KCNC2: variants seen among roughly 807,000 people sequenced by gnomAD.
KCNC2 encodes the protein potassium voltage-gated channel subfamily C member 2.
KCNC2 carries 21 observed loss-of-function variants against 44.5 expected under a neutral mutation model. That is an observed-to-expected ratio of 0.47 (90% CI 0.33 to 0.68). The LOEUF (loss-of-function observed/expected upper bound fraction) is 0.68, where lower values mean the gene tolerates loss of function less well. KCNC2 is among the 30% of genes least tolerant of loss of function. The pLI, the probability that KCNC2 is intolerant of heterozygous loss-of-function variation, is 0.01. For synonymous variants in KCNC2, 391 were observed against 339.1 expected (o/e 1.15, Z -1.68); for missense variants, 589 against 826.2 (o/e 0.71, Z 3.52).
Position 75,130,840 on chromosome 12 carries a change from G to A in KCNC2, c.687+76457C>T, listed in dbSNP as rs374271726. Reference sequence around the variant, plus strand: ...TAAAATGAGGCAGGAAAGACAGATAGGGAAGCTCAGATTTAGTCTACCCTG... The same window carrying A: ...TAAAATGAGGCAGGAAAGACAGATAAGGAAGCTCAGATTTAGTCTACCCTG... On this transcript the variant is annotated intron_variant, in intron 2 of 4. Coordinates refer to ENST00000549446, the MANE Select transcript of KCNC2 (RefSeq NM_139137.4). Among the ~76,000 whole-genome samples, 120 of 150,900 alleles carry A rather than the reference G, an allele frequency of 8.0e-4. No homozygotes were observed. The South Asian group carries it at 0.023, about 29-fold the overall frequency.
At chr12:75,157,326 C>T (rs1199857423) in intron 2 of KCNC2, among the ~76,000 whole-genome samples, 2 of 151,772 alleles carry the variant, frequency 1.3e-5, no homozygotes, top group African/African-American at 4.8e-5. Flanking sequence ...CTCTAGCAGT[C>T]ATTTTGTGGT....
intron 3 of KCNC2, 130 bp from the exon 4 acceptor site, chr12:75,048,447 A>G (rs763337379): frequency 6.9e-5 from 43 of 621,282 alleles, no homozygotes; most frequent in Non-Finnish European, 6.4e-5. Context: ...TCACAATAAG[A>G]AAAAGAATTT....
chr12:75,194,296 G>A (rs1261709458), intron 2 of KCNC2, among the ~76,000 whole-genome samples: 1 of 152,132 alleles, frequency 6.6e-6, no homozygotes, highest in Non-Finnish European at 1.5e-5. Flanking sequence ...CTGAGGGCAA[G>A]GCGAGGCCAG....
intron 2 of KCNC2, among the ~76,000 whole-genome samples, chr12:75,204,032 G>T (rs2031495139): frequency 6.6e-6 from 1 of 151,792 alleles, no homozygotes; most frequent in Admixed American, 6.6e-5. Flanking sequence ...ATATATTTAT[G>T]CATCCTTGTT....
chr12:75,141,092 A>G (rs574300661), intron 2 of KCNC2, among the ~76,000 whole-genome samples: 1 of 152,294 alleles, frequency 6.6e-6, no homozygotes, highest in African/African-American at 2.4e-5. Context: ...TCTTCACACA[A>G]TTGCATAACC....
At position 75,092,460 on chromosome 12, in the gene KCNC2, G is replaced by A. The variant is rs150709462; in HGVS notation, c.688-41143C>T. ...ATTATTTGTAAAAATAGCTTAATCA[G>A]TGTAACACTCTCTGGGGGAATAAAA... On this transcript the variant is annotated intron_variant, in intron 2 of 4. Transcript: ENST00000549446. Among the ~76,000 whole-genome samples the A allele has an allele frequency of 5.3e-4, 81 of 151,646 alleles. 1 individual carries two copies. The East Asian group carries it at 0.014, about 25-fold the overall frequency.
rs1880032741 is a variant in KCNC2, at chr12:75,042,575, T to C, written c.*530A>G. On this transcript the variant is annotated 3_prime_UTR_variant, in exon 5 of 5. Transcript: ENST00000549446. ...CAATGCTTTCATATCAGCAGGATGGTTCGATGCAAGTACACATATCCTGAG... is the reference window on the plus strand; with the variant it reads ...CAATGCTTTCATATCAGCAGGATGGCTCGATGCAAGTACACATATCCTGAG... 2.9e-6 allele frequency: 4 copies of C among 1,377,728 alleles called. No homozygotes were observed. The Admixed American group carries it at 9.2e-5, about 32-fold the overall frequency. The allele number at this position is 1,377,728 out of a possible 1,614,324, so 85.3% of individuals were successfully genotyped here.
chr12:75,156,768 C>T (rs762778665), intron 2 of KCNC2, among the ~76,000 whole-genome samples: 2 of 151,748 alleles, frequency 1.3e-5, no homozygotes, highest in African/African-American at 2.4e-5. Flanking sequence ...AAGTTTGCAG[C>T]CTACCATTTC....
intron 2 of KCNC2, among the ~76,000 whole-genome samples, chr12:75,144,753 C>T (rs570846696): frequency 2.6e-5 from 4 of 152,118 alleles, no homozygotes; most frequent in South Asian, 4.2e-4. Context: ...GTAAATACTT[C>T]ATTAACGTCA....
At chr12:75,065,375 T>G (rs1362350034) in intron 2 of KCNC2, among the ~76,000 whole-genome samples, 1 of 152,086 alleles carries the variant, frequency 6.6e-6, no homozygotes, top group African/African-American at 2.4e-5. Flanking sequence ...CAGTTTTATC[T>G]AATTTTAACA....
At chr12:75,121,880 T>G (rs1888069430) in intron 2 of KCNC2, among the ~76,000 whole-genome samples, 1 of 152,178 alleles carries the variant, frequency 6.6e-6, no homozygotes, top group Admixed American at 6.5e-5. Flanking sequence ...TTTTTATTAC[T>G]GAGTTTTCCC....
intron 2 of KCNC2, among the ~76,000 whole-genome samples, chr12:75,168,506 T>G (rs1447379165): frequency 6.6e-6 from 1 of 151,484 alleles, no homozygotes; most frequent in Admixed American, 6.6e-5. Flanking sequence ...ATCAATTGCA[T>G]AGTTTCTATA....
At chr12:75,154,048 A>C (rs1350564261) in intron 2 of KCNC2, among the ~76,000 whole-genome samples, 1 of 152,052 alleles carries the variant, frequency 6.6e-6, no homozygotes, top group Non-Finnish European at 1.5e-5. Context: ...TCAAGAGTCA[A>C]CTATAATTTT....
chr12:75,194,894 G>A (rs1479902033), intron 2 of KCNC2, among the ~76,000 whole-genome samples: 1 of 152,116 alleles, frequency 6.6e-6, no homozygotes, highest in Non-Finnish European at 1.5e-5. Flanking sequence ...TGACTGCCTT[G>A]TTTCTGAAGT....
At position 75,201,282 on chromosome 12, in the gene KCNC2, AAAAAAAAAAAAAAAAAC is replaced by A. The variant is rs1179011974; in HGVS notation, c.687+5998_687+6014del. On this transcript the variant is annotated intron_variant, in intron 2 of 4. Transcript: ENST00000549446. ...AATTGGAAAAAAAAAAAAAAAAAAA[AAAAAAAAAAAAAAAAAC>A]CAGATTCTGGTTTACTTTATTAGTG... 3.0e-4 allele frequency among the ~76,000 whole-genome samples: 38 copies of A among 127,192 alleles called. 2 individuals are homozygous for A. The highest frequency in any genetic ancestry group is 5.9e-4 in the African/African-American group (18 of 30,548). The allele number at this position is 127,192 out of a possible 152,430, so 83.4% of individuals were successfully genotyped here. A position where few individuals can be genotyped will look rare whatever the true frequency, so the allele number is the denominator to read the frequency against.
intron 2 of KCNC2, among the ~76,000 whole-genome samples, chr12:75,106,872 T>A (rs1320533968): frequency 6.6e-6 from 1 of 152,250 alleles, no homozygotes; most frequent in Non-Finnish European, 1.5e-5. Context: ...TTAACACATG[T>A]TAATATTTAG....
intron 2 of KCNC2, among the ~76,000 whole-genome samples, chr12:75,135,733 G>A (rs1889179880): frequency 6.6e-6 from 1 of 151,990 alleles, no homozygotes; most frequent in Non-Finnish European, 1.5e-5. Context: ...TATTACAATA[G>A]ATTTGATCTC....
rs1020842553 is a variant in KCNC2 at position 75,043,005 on chromosome 12, T to C, written c.*100A>G. ...TCATGCAAGATTTATACTGTATTAA[T>C]GGAGCCTGGAGTAACTCTACATTTA... On this transcript the variant is annotated 3_prime_UTR_variant, in exon 5 of 5. Transcript: ENST00000549446. The C allele has an allele frequency of 3.9e-6, 6 of 1,539,512 alleles. No individual in the cohort carries two copies. The highest frequency in any genetic ancestry group is 1.3e-5 in the South Asian group (1 of 77,896).
intron 2 of KCNC2, among the ~76,000 whole-genome samples, chr12:75,171,781 A>G (rs2137583699): frequency 6.6e-6 from 1 of 152,006 alleles, no homozygotes; most frequent in East Asian, 1.9e-4. Context: ...TTCCCAATAC[A>G]AAGAAATAAT....
Sources: gnomAD v4.1 joint callset for allele counts (sites outside exome capture counted in the v4.1 genomes callset) on GRCh38, gnomAD v4.1.1 for gene constraint, MANE v1.5 for transcripts, NCBI Gene and HGNC (gene_info 2026-07-23, HGNC 2026-07-21) for gene names.